GRID2: variants seen among roughly 807,000 people sequenced by gnomAD.
GRID2 encodes glutamate ionotropic receptor delta type subunit 2.
Under a neutral mutation model 114.8 loss-of-function variants are expected in GRID2, and 33 were observed. The observed-to-expected ratio is 0.29, with a 90% confidence interval of 0.22 to 0.38. The LOEUF (loss-of-function observed/expected upper bound fraction) is 0.38, where lower values mean the gene tolerates loss of function less well. Ranked by LOEUF, GRID2 falls within the 10% of genes least tolerant of loss-of-function variation. The pLI is 1.00. For synonymous variants in GRID2, 505 were observed against 449.9 expected (o/e 1.12, Z -1.55); for missense variants, 1,184 against 1,257.7 (o/e 0.94, Z 0.89).
intron 14 of GRID2, among the ~76,000 whole-genome samples, chr4:93,702,577 A>G (rs1727608435): frequency 6.6e-6 from 1 of 152,154 alleles, no homozygotes; most frequent in African/African-American, 2.4e-5. Context: ...CATGTATGCA[A>G]GAGTTTATCT....
intron 13 of GRID2, among the ~76,000 whole-genome samples, chr4:93,622,542 G>C (rs141157460): frequency 6.6e-6 from 1 of 152,076 alleles, no homozygotes; most frequent in South Asian, 2.1e-4. Flanking sequence ...GGTAGTCTTC[G>C]CATCACATTG....
chr4:93,292,007 A>G (rs966663578), intron 8 of GRID2, among the ~76,000 whole-genome samples: 3 of 152,182 alleles, frequency 2.0e-5, no homozygotes, highest in African/African-American at 7.2e-5. Flanking sequence ...GTTACTCATA[A>G]GATGGTTGAA....
intron 11 of GRID2, among the ~76,000 whole-genome samples, chr4:93,479,871 T>C (rs1448856992): frequency 6.6e-6 from 1 of 152,082 alleles, no homozygotes; most frequent in Non-Finnish European, 1.5e-5. Flanking sequence ...TGTCTGTTCC[T>C]GAATCCAGTT....
chr4:92,305,582 G>A (rs1433514495), intron 1 of GRID2, among the ~76,000 whole-genome samples: 1 of 152,176 alleles, frequency 6.6e-6, no homozygotes, highest in African/African-American at 2.4e-5. Context: ...AGACAGCGAA[G>A]GCGCCGGGAC....
intron 14 of GRID2, among the ~76,000 whole-genome samples, chr4:93,737,211 T>C (rs1211462606): frequency 6.6e-6 from 1 of 152,080 alleles, no homozygotes; most frequent in East Asian, 1.9e-4. Flanking sequence ...AATTATATTT[T>C]CAAGTAAAAT....
At chr4:92,494,439 C>G (rs963886711) in intron 1 of GRID2, among the ~76,000 whole-genome samples, 3 of 151,908 alleles carry the variant, frequency 2.0e-5, no homozygotes, top group Non-Finnish European at 4.4e-5. Context: ...TATATAGACA[C>G]AGAAACATTT....
chr4:92,722,659 C>T (rs1735866958), intron 2 of GRID2, among the ~76,000 whole-genome samples: 1 of 152,036 alleles, frequency 6.6e-6, no homozygotes, highest in Non-Finnish European at 1.5e-5. Context: ...CTGCTATACC[C>T]ATCTGGGAAC....
chr4:92,859,061 C>G (rs1020360056), intron 2 of GRID2, among the ~76,000 whole-genome samples: 1 of 152,140 alleles, frequency 6.6e-6, no homozygotes, highest in Non-Finnish European at 1.5e-5. Flanking sequence ...TGATATCAAA[C>G]AGCATCACAT....
chr4:93,356,688 A>T (rs954734815), intron 8 of GRID2, among the ~76,000 whole-genome samples: 3 of 151,942 alleles, frequency 2.0e-5, no homozygotes, highest in Non-Finnish European at 4.4e-5. Flanking sequence ...GCATTTTATT[A>T]AAACATAACG....
chr4:92,728,809 A>G (rs1024867189), intron 2 of GRID2, among the ~76,000 whole-genome samples: 1 of 152,024 alleles, frequency 6.6e-6, no homozygotes, highest in Non-Finnish European at 1.5e-5. Flanking sequence ...AATATGAGGA[A>G]TGATAATATG....
intron 14 of GRID2, among the ~76,000 whole-genome samples, chr4:93,725,185 C>T (rs1440996102): frequency 6.6e-6 from 1 of 152,070 alleles, no homozygotes; most frequent in Non-Finnish European, 1.5e-5. Flanking sequence ...TTCCTGTGTC[C>T]ATGTGTTCTC....
intron 1 of GRID2, among the ~76,000 whole-genome samples, chr4:92,406,207 A>G (rs1210508791): frequency 6.6e-6 from 1 of 152,198 alleles, no homozygotes; most frequent in Admixed American, 6.5e-5. Context: ...CCAAGGATCA[A>G]CATTGCATTC....
At chr4:93,752,527 C>G (rs1040490081) in intron 14 of GRID2, among the ~76,000 whole-genome samples, 2 of 152,050 alleles carry the variant, frequency 1.3e-5, no homozygotes, top group Admixed American at 1.3e-4. Context: ...CCTGCCACCA[C>G]GCCCGGCTAA....
chr4:93,287,978 C>G (rs1753355885), intron 8 of GRID2, among the ~76,000 whole-genome samples: 1 of 152,116 alleles, frequency 6.6e-6, no homozygotes, highest in African/African-American at 2.4e-5. Flanking sequence ...CCTTGCTCTC[C>G]CTAATAATTA....
intron 14 of GRID2, among the ~76,000 whole-genome samples, chr4:93,714,171 T>C (rs1369340583): frequency 6.6e-6 from 1 of 152,108 alleles, no homozygotes; most frequent in African/African-American, 2.4e-5. Context: ...TTCCCACATG[T>C]AAGTGAGAAC....
At chr4:92,760,426 C>G (rs1359924088) in intron 2 of GRID2, among the ~76,000 whole-genome samples, 1 of 151,902 alleles carries the variant, frequency 6.6e-6, no homozygotes, top group African/African-American at 2.4e-5. Flanking sequence ...ATACCAACAC[C>G]CTTTCACTGA....
chr4:92,311,655 A>G (rs1330961836), intron 1 of GRID2, among the ~76,000 whole-genome samples: 1 of 152,078 alleles, frequency 6.6e-6, no homozygotes, highest in Non-Finnish European at 1.5e-5. Flanking sequence ...TTTCATAAGT[A>G]AGCTTAAATA....
At chr4:93,187,365 C>T (rs987678448) in intron 4 of GRID2, among the ~76,000 whole-genome samples, 10 of 150,512 alleles carry the variant, frequency 6.6e-5, no homozygotes, top group African/African-American at 2.4e-4. Flanking sequence ...CAACCTCTAC[C>T]TCCACGGTTC....
intron 2 of GRID2, among the ~76,000 whole-genome samples, chr4:92,784,401 A>C (rs1487662735): frequency 1.3e-5 from 2 of 151,940 alleles, no homozygotes; most frequent in Non-Finnish European, 2.9e-5. Flanking sequence ...GTTCATCCAC[A>C]TAATTTTATA....
Sources: allele counts gnomAD v4.1 joint callset (sites outside exome capture counted in the v4.1 genomes callset), GRCh38; gene constraint gnomAD v4.1.1; transcripts MANE v1.5; gene names NCBI Gene and HGNC (gene_info 2026-07-23, HGNC 2026-07-21).